Variants in HDAC9 observed in about 807,000 individuals in gnomAD.
HDAC9 encodes the protein histone deacetylase 9, also known as MEF-2 interacting transcription repressor (MITR) protein.
HDAC9 carries 41 observed loss-of-function variants against 139.4 expected under a neutral mutation model. The ratio of observed to expected loss-of-function variants is 0.29; its 90% CI spans 0.23 to 0.38. The LOEUF is 0.38. HDAC9 is among the 10% of genes least tolerant of loss of function. HDAC9 has a pLI of 1.00. For synonymous variants in HDAC9, 517 were observed against 476.2 expected (o/e 1.09, Z -1.12); for missense variants, 1,147 against 1,297.0 (o/e 0.88, Z 1.78).
In HDAC9 at chr7:18,876,984, G is replaced by A. The variant is rs555321822; in HGVS notation, c.2803+2388G>A. Reference sequence around the variant, plus strand: ...CCCAAAGTGCTGGGATTACAAGCATGAGCCACCACACCCAGTTGAGAATAG... The same window carrying A: ...CCCAAAGTGCTGGGATTACAAGCATAAGCCACCACACCCAGTTGAGAATAG... On this transcript the variant is annotated intron_variant, in intron 22 of 25. Transcript: ENST00000686413. 2.6e-5 allele frequency among the ~76,000 whole-genome samples: 4 copies of A among 152,204 alleles called. No individual in the cohort carries two copies. The South Asian group carries it at 6.2e-4, about 24-fold the overall frequency.
intron 13 of HDAC9, among the ~76,000 whole-genome samples, chr7:18,731,711 C>T (rs542085779): frequency 2.6e-4 from 39 of 152,238 alleles, no homozygotes; most frequent in Admixed American, 1.6e-3. Flanking sequence ...CCACAACCTC[C>T]GCCTCCCGGG....
At chr7:18,349,269 G>T (rs578137059) in intron 1 of HDAC9, among the ~76,000 whole-genome samples, 114 of 148,242 alleles carry the variant, frequency 7.7e-4, no homozygotes, top group African/African-American at 2.8e-3. Context: ...CCTCATTAGA[G>T]ATGTCTTTCC....
intron 21 of HDAC9, among the ~76,000 whole-genome samples, chr7:18,863,792 G>C (rs1466601084): frequency 1.3e-5 from 2 of 152,182 alleles, no homozygotes; most frequent in African/African-American, 4.8e-5. Flanking sequence ...GTTGTCAGGA[G>C]AAGGTCTTAC....
At chr7:18,849,378 C>G (rs1424030216) in intron 21 of HDAC9, among the ~76,000 whole-genome samples, 11 of 151,998 alleles carry the variant, frequency 7.2e-5, no homozygotes. Flanking sequence ...GTTTCCTTTG[C>G]TATGACTATT....
chr7:18,836,484 A>G (rs1431193195), intron 21 of HDAC9, among the ~76,000 whole-genome samples: 1 of 152,180 alleles, frequency 6.6e-6, no homozygotes, highest in Non-Finnish European at 1.5e-5. Flanking sequence ...ATGGTAGGGT[A>G]AATGACTTTT....
intron 1 of HDAC9, among the ~76,000 whole-genome samples, chr7:18,457,675 T>C (rs961139151): frequency 1.3e-5 from 2 of 152,186 alleles, no homozygotes; most frequent in African/African-American, 4.8e-5. Context: ...TTCTTTCATA[T>C]CAACTGAATT....
chr7:18,159,188 C>G (rs954207449), intron 1 of HDAC9, among the ~76,000 whole-genome samples: 1 of 152,088 alleles, frequency 6.6e-6, no homozygotes, highest in Non-Finnish European at 1.5e-5. Flanking sequence ...TTCATTGAAA[C>G]CATTAATTGG....
intron 1 of HDAC9, among the ~76,000 whole-genome samples, chr7:18,411,846 G>C (rs1362691505): frequency 3.5e-5 from 3 of 85,876 alleles, no homozygotes; most frequent in Non-Finnish European, 6.5e-5. Flanking sequence ...TTTTTTATCA[G>C]ACAGGGTCTC....
rs1305149568 is a variant in HDAC9, at chr7:18,585,487, C to T, written c.229C>T (p.Arg77Trp). ...EFQKQHENLT[R>W]QHQAQLQEHI... is the part of the protein sequence containing the mutation. ...TCAGAAACAGCATGAGAACTTGACA[C>T]GGCAGCACCAGGCTCAGCTTCAGGA... The change falls in exon 3 of 26, where the codon CGG (arginine) becomes TGG (tryptophan). Residue 77 changes from arginine to tryptophan, a missense_variant. Physicochemically the swap from Arg to Trp is moderately radical, Grantham distance 101. Around this residue, in one of 7 missense-constraint regions of HDAC9, gnomAD observed 136 missense variants for 183.5 expected, o/e 0.74. Transcript: ENST00000686413. 1.2e-6 allele frequency: 2 copies of T among 1,613,712 alleles called. No homozygotes were observed. The highest frequency in any genetic ancestry group is 1.3e-5 in the African/African-American group (1 of 74,902).
chr7:18,755,036 C>CA (rs982600431), intron 14 of HDAC9, among the ~76,000 whole-genome samples: 98 of 151,134 alleles, frequency 6.5e-4, no homozygotes, highest in Non-Finnish European at 9.4e-4. Flanking sequence ...GCTTAGTTTG[C>CA]AAAAAAAAAT....
intron 2 of HDAC9, among the ~76,000 whole-genome samples, chr7:18,584,894 A>C (rs919114936): frequency 6.6e-6 from 1 of 151,796 alleles, no homozygotes; most frequent in African/African-American, 2.4e-5. Flanking sequence ...TCATGGTGGA[A>C]GTTCTCTCTT....
At chr7:18,157,345 C>T (rs1787287910) in intron 1 of HDAC9, among the ~76,000 whole-genome samples, 1 of 151,882 alleles carries the variant, frequency 6.6e-6, no homozygotes, top group Admixed American at 6.6e-5. Context: ...AGGGGTTATA[C>T]ATGAGGGAAA....
chr7:18,380,838 C>G (rs1268080525), intron 1 of HDAC9, among the ~76,000 whole-genome samples: 1 of 152,098 alleles, frequency 6.6e-6, no homozygotes, highest in Non-Finnish European at 1.5e-5. Flanking sequence ...ACCTCCAGCA[C>G]TCTGGAGCTT....
chr7:18,617,089 G>T (rs10486291), intron 6 of HDAC9, among the ~76,000 whole-genome samples: 10,879 of 152,108 alleles, frequency 0.072, 787 homozygotes, highest in East Asian at 0.34. Context: ...TTCTGTTATT[G>T]CTTGCTGTTA....
At chr7:18,732,930 T>C (rs963359386) in intron 13 of HDAC9, among the ~76,000 whole-genome samples, 4 of 83,194 alleles carry the variant, frequency 4.8e-5, no homozygotes, top group Non-Finnish European at 8.1e-5. Flanking sequence ...CACACGTGTG[T>C]ATGTATGTGT....
chr7:18,849,688 T>A (rs17140149), intron 21 of HDAC9, among the ~76,000 whole-genome samples: 1,981 of 152,330 alleles, frequency 0.013, 14 homozygotes, highest in African/African-American at 0.019. Flanking sequence ...TATTCATAAC[T>A]ACATTTTGCT....
rs13225227 is a variant in HDAC9, at chr7:18,474,684, A to G, written c.-41-21578A>G. On this transcript the variant is annotated intron_variant, in intron 1 of 3. Transcript: ENST00000413509. ...GATTCATATTCTATGGTTTCAGGGTATTAGTGAACTACTTCTTAATAAACA... is the reference window on the plus strand; with the variant it reads ...GATTCATATTCTATGGTTTCAGGGTGTTAGTGAACTACTTCTTAATAAACA... Among the ~76,000 whole-genome samples, 1,320 of 152,276 alleles carry G rather than the reference A, an allele frequency of 8.7e-3. 10 individuals carry two copies. Among genetic ancestry groups the G allele is most frequent in the Non-Finnish European group, 0.015 (988 of 68,026 alleles).
intron 1 of HDAC9, among the ~76,000 whole-genome samples, chr7:18,345,572 CAAAAAA>C (rs35183114): frequency 2.4e-5 from 3 of 123,412 alleles, no homozygotes; most frequent in African/African-American, 8.5e-5. Context: ...CAACAGAAGA[CAAAAAA>C]AAAAAAAAAA....
chr7:18,349,115 A>G (rs1782650612), intron 1 of HDAC9, among the ~76,000 whole-genome samples: 2 of 152,016 alleles, frequency 1.3e-5, no homozygotes, highest in South Asian at 2.1e-4. Flanking sequence ...GTTTTCTGTC[A>G]CTCAGAGTAA....
Sources: gnomAD v4.1 joint callset for allele counts (sites outside exome capture counted in the v4.1 genomes callset) on GRCh38, gnomAD v4.1.1 for gene constraint, gnomAD v4.1.1 regional missense constraint, MANE v1.5 for transcripts, NCBI Gene and HGNC (gene_info 2026-07-23, HGNC 2026-07-21) for gene names.